PSG4: variants seen among roughly 807,000 people sequenced by gnomAD.
The protein encoded by PSG4 is pregnancy-specific beta-1-glycoprotein 4.
In PSG4, 61 loss-of-function variants were observed where a neutral mutation model predicts 44.3. That is an observed-to-expected ratio of 1.38 (90% CI 1.12 to 1.70). PSG4 has a LOEUF of 1.70. Among genes scored for constraint, PSG4 ranks in the 40% most tolerant of loss-of-function variants. PSG4 has a pLI of 0.00. For missense variants in PSG4, 677 were observed against 511.7 expected (o/e 1.32, Z -3.12); for synonymous variants, 248 against 191.3 (o/e 1.30, Z -2.45).
At chr19:43,195,633 C>T (rs1299777766) in intron 3 of PSG4, among the ~76,000 whole-genome samples, 1 of 151,420 alleles carries the variant, frequency 6.6e-6, no homozygotes, top group East Asian at 1.9e-4. Flanking sequence ...AACTACTGGG[C>T]CCCTTCCAAA....
chr19:43,194,784 A>C (rs1270894225), intron 4 of PSG4, 190 bp from the exon 5 acceptor site: 4 of 1,415,468 alleles, frequency 2.8e-6, no homozygotes, highest in Admixed American at 5.2e-5. Flanking sequence ...TTAGGCCCCA[A>C]GTCTCCCATG....
chr19:43,197,409 C>T (rs1290637154), intron 3 of PSG4, among the ~76,000 whole-genome samples: 7 of 145,504 alleles, frequency 4.8e-5, no homozygotes, highest in Non-Finnish European at 8.9e-5. Flanking sequence ...TGAAACAGAC[C>T]TAAACCCCTC....
intron 3 of PSG4, among the ~76,000 whole-genome samples, chr19:43,195,630 G>T (rs561813340): frequency 4.6e-5 from 7 of 151,420 alleles, no homozygotes; most frequent in African/African-American, 1.7e-4. Context: ...TGCAACTACT[G>T]GGCCCCTTCC....
intron 4 of PSG4, 64 bp downstream of exon 4, chr19:43,194,931 C>T: frequency 2.5e-6 from 4 of 1,591,006 alleles, no homozygotes; most frequent in South Asian, 1.1e-5. Context: ...ACTGAGAGAC[C>T]TGGCCTCTGG....
Position 43,193,201 on chromosome 19 carries a change from G to A in PSG4, c.*171C>T. The A allele has an allele frequency of 1.3e-6, 1 of 758,932 alleles. No individual in the cohort carries two copies. Among genetic ancestry groups the A allele is most frequent in the Non-Finnish European group, 2.4e-6 (1 of 414,678 alleles). The allele number at this position is 758,932 out of a possible 1,614,324, so 47.0% of individuals were successfully genotyped here. A position where few individuals can be genotyped will look rare whatever the true frequency, so the allele number is the denominator to read the frequency against. ...TTACAGTTTGAGTAGCTGTTGTTAT[G>A]GTGTCGAACATTTTGGTGAGTTCTG... On this transcript the variant is annotated 3_prime_UTR_variant, in exon 6 of 6. Transcript: ENST00000405312.
chr19:43,201,142 T>C (rs977099120), intron 2 of PSG4, among the ~76,000 whole-genome samples: 8 of 145,582 alleles, frequency 5.5e-5, no homozygotes, highest in Admixed American at 5.5e-4. Context: ...CATGTCTGAG[T>C]CCATCTGGCA....
rs1967084514 is a variant in PSG4, at chr19:43,193,138, C to A, written c.*234G>T. ...TCTTGTTCTGACATCTTTGGAAAAA[C>A]TGTCCACAGTGTGAAGTCATCAACT... On this transcript the variant is annotated 3_prime_UTR_variant, in exon 6 of 6. Coordinates refer to ENST00000405312, the MANE Select transcript of PSG4 (RefSeq NM_002780.5). 3 of 673,404 alleles carry A rather than the reference C, an allele frequency of 4.5e-6. No homozygotes were observed. Among genetic ancestry groups the A allele is most frequent in the Non-Finnish European group, 8.1e-6 (3 of 369,396 alleles). 41.7% of individuals were successfully genotyped at this position (673,404 alleles called of 1,614,324 possible). A position where few individuals can be genotyped will look rare whatever the true frequency, so the allele number is the denominator to read the frequency against.
rs530714803 is a variant in PSG4 at position 43,197,834 on chromosome 19, CT to C, written c.709+162del. The stretch of plus-strand genomic sequence containing the variant: ...TCTTTTCTCCTATTGTGGATCAAGC[CT>C]AGGCCTACTCTGGTTTGCCTGGGGC... On this transcript the variant is annotated intron_variant, in intron 3 of 5. Coordinates refer to ENST00000405312, the MANE Select transcript of PSG4 (RefSeq NM_002780.5). 2 of 1,412,846 alleles carry C rather than the reference CT, an allele frequency of 1.4e-6. 1 individual carries two copies. Among genetic ancestry groups the C allele is most frequent in the Non-Finnish European group, 1.9e-6 (2 of 1,049,124 alleles). The allele number at this position is 1,412,846 out of a possible 1,614,324, so 87.5% of individuals were successfully genotyped here.
chr19:43,194,492 T>C lies in PSG4; in HGVS notation c.1091A>G (p.Tyr364Cys). The part of the protein sequence containing the change: ...CFAESNPRAQ[Y>C]SWTINGKFQL... ...AAACTTCCCATTAATTGTCCAAGAA[T>C]ATTGTGCCCGTGGGTTAGACTCGGC... The change falls in exon 5 of 6, where the codon TAT (tyrosine) becomes TGT (cysteine). Residue 364 changes from tyrosine (Y) to cysteine (C), a missense_variant. Tyr to Cys is a radical substitution (Grantham distance 194). Coordinates refer to ENST00000405312, the MANE Select transcript of PSG4 (RefSeq NM_002780.5). 6.2e-7 allele frequency: 1 copy of C among 1,612,460 alleles called. No homozygotes were observed. Among genetic ancestry groups the C allele is most frequent in the Non-Finnish European group, 8.5e-7 (1 of 1,179,136 alleles).
Position 43,198,263 on chromosome 19 carries a change from T to A in PSG4, c.443A>T (p.Lys148Met). The part of the protein sequence containing the change: ...FTFTLHLETP[K>M]PSISSSNLNP... Reference sequence around the variant, plus strand: ...TAAGTTGCTGCTGGAGATGGAGGGCTTGGGAGTCTCCACTGTGCAGAAAAC... The same window carrying A: ...TAAGTTGCTGCTGGAGATGGAGGGCATGGGAGTCTCCACTGTGCAGAAAAC... The change falls in exon 3 of 6, where the codon AAG becomes ATG. Residue 148 changes from lysine (K) to methionine (M), a missense_variant. Coordinates refer to ENST00000405312, the MANE Select transcript of PSG4 (RefSeq NM_002780.5). The A allele has an allele frequency of 6.3e-7, 1 of 1,586,458 alleles. No homozygotes were observed.
rs1294742509 is a variant in PSG4 at position 43,201,831 on chromosome 19, G to GTGTGTC, written c.430+2054_430+2055insGACACA. ...CATTTCAATAATTTTGTGTGTGTGT[G>GTGTGTC]TGTGTGTGTGCAGAAGGCCAGAAGA... On this transcript the variant is annotated intron_variant, in intron 2 of 5. Coordinates refer to ENST00000405312, the MANE Select transcript of PSG4 (RefSeq NM_002780.5). 1.2e-4 allele frequency among the ~76,000 whole-genome samples: 18 copies of GTGTGTC among 144,720 alleles called. 3 individuals are homozygous for GTGTGTC. The highest frequency in any genetic ancestry group is 4.8e-4 in the African/African-American group (18 of 37,568). 94.9% of individuals were successfully genotyped at this position (144,720 alleles called of 152,430 possible).
Position 43,193,327 on chromosome 19 carries a change from T to C in PSG4, c.*45A>G. 1 of 775,382 alleles carries C rather than the reference T, an allele frequency of 1.3e-6. No homozygotes were observed. Among genetic ancestry groups the C allele is most frequent in the Non-Finnish European group, 2.4e-6 (1 of 417,634 alleles). The allele number at this position is 775,382 out of a possible 1,614,324, so 48.0% of individuals were successfully genotyped here. ...TCTGGAACAGAGTGGGTCTTGCTCTTCGTGATTCCATGGGAGAAAATGGAA... is the reference window on the plus strand; with the variant it reads ...TCTGGAACAGAGTGGGTCTTGCTCTCCGTGATTCCATGGGAGAAAATGGAA... On this transcript the variant is annotated 3_prime_UTR_variant, in exon 6 of 6. Transcript: ENST00000405312.
At position 43,203,814 on chromosome 19, in the gene PSG4, G is replaced by A; in HGVS notation, c.430+72C>T. On this transcript the variant is annotated intron_variant, in intron 2 of 5. Transcript: ENST00000405312. ...AGGGACACAGGCAGAGTCCAGGCCT[G>A]AGAATCCTGTGTGTGTGAAGTAGAA... 5.8e-6 allele frequency: 9 copies of A among 1,556,336 alleles called. 2 individuals are homozygous for A. Among genetic ancestry groups the A allele is most frequent in the Non-Finnish European group, 7.8e-6 (9 of 1,154,018 alleles).
In PSG4 at chr19:43,200,416, A is replaced by G. The variant is rs1216176426; in HGVS notation, c.431-2141T>C. The stretch of plus-strand genomic sequence containing the variant: ...TTGCTATTGTCAAAAAAAATATTAA[A>G]TATGAAGGCGAATATGTTGTTCCAC... On this transcript the variant is annotated intron_variant, in intron 2 of 5. Coordinates refer to ENST00000405312, the MANE Select transcript of PSG4 (RefSeq NM_002780.5). 3.5e-5 allele frequency among the ~76,000 whole-genome samples: 5 copies of G among 144,812 alleles called. 2 individuals carry two copies. The highest frequency in any genetic ancestry group is 2.7e-4 in the Admixed American group (4 of 14,574).
chr19:43,201,706 C>G lies in PSG4; in HGVS notation c.430+2180G>C, dbSNP rs934041302. On this transcript the variant is annotated intron_variant, in intron 2 of 5. Transcript: ENST00000405312. ...TGAAACTGTCCTTGAAAATCTCTAA[C>G]CCCTGCTCCACTGGGGAGGCTGATT... Among the ~76,000 whole-genome samples, 12 of 145,598 alleles carry G rather than the reference C, an allele frequency of 8.2e-5. 1 individual carries two copies. The highest frequency in any genetic ancestry group is 1.2e-4 in the Non-Finnish European group (8 of 67,228).
chr19:43,198,428 A>G (rs1212169135), intron 2 of PSG4, among the ~76,000 whole-genome samples, 153 bp from the exon 3 acceptor site: 1 of 145,770 alleles, frequency 6.9e-6, no homozygotes, highest in Non-Finnish European at 1.5e-5. Flanking sequence ...GATGCATGGC[A>G]ATCTGAGAGC....
intron 2 of PSG4, among the ~76,000 whole-genome samples, chr19:43,202,002 G>C (rs922740470): frequency 6.9e-6 from 1 of 144,772 alleles, no homozygotes; most frequent in Non-Finnish European, 1.5e-5. Flanking sequence ...ACATTGGCTC[G>C]AGATGAAGCC....
intron 4 of PSG4, 32 bp from the exon 5 acceptor site, chr19:43,194,626 G>C (rs761020628): frequency 6.3e-7 from 1 of 1,588,522 alleles, no homozygotes; most frequent in Non-Finnish European, 8.6e-7. Context: ...CATAGGTGAT[G>C]TCATCCGAGG....
chr19:43,195,354 C>T, intron 3 of PSG4, 81 bp from the exon 4 acceptor site: 2 of 1,556,908 alleles, frequency 1.3e-6, no homozygotes, highest in East Asian at 2.2e-5. Flanking sequence ...GAGTTGGCAT[C>T]TCCCACCTCT....
Sources: gnomAD v4.1 joint callset for allele counts (sites outside exome capture counted in the v4.1 genomes callset) on GRCh38, gnomAD v4.1.1 for gene constraint, MANE v1.5 for transcripts, NCBI Gene and HGNC (gene_info 2026-07-23, HGNC 2026-07-21) for gene names.